GOLGA7B: variants seen among roughly 807,000 people sequenced by gnomAD.
GOLGA7B encodes golgin subfamily A member 7B.
GOLGA7B carries 17 observed loss-of-function variants against 21.5 expected under a neutral mutation model. The observed-to-expected ratio is 0.79, with a 90% CI of 0.54 to 1.19. The LOEUF is 1.19. Ranked by LOEUF, GOLGA7B falls within the 50% of genes most tolerant of loss-of-function variation. The pLI is 0.00. For synonymous variants in GOLGA7B, 87 were observed against 84.0 expected (o/e 1.04, Z -0.19); for missense variants, 169 against 224.4 (o/e 0.75, Z 1.58).
chr10:97,854,183 C>A (rs2049921351), intron 1 of GOLGA7B, among the ~76,000 whole-genome samples: 1 of 152,170 alleles, frequency 6.6e-6, no homozygotes, highest in Non-Finnish European at 1.5e-5. Flanking sequence ...TGCTCAGCCC[C>A]TGTAAACATT....
rs907163031 is a variant in GOLGA7B at position 97,867,356 on chromosome 10, C to T, written c.*1656C>T. The T allele has an allele frequency of 2.0e-5, 3 of 152,232 alleles. No individual in the cohort carries two copies. The highest frequency in any genetic ancestry group is 1.9e-4 in the East Asian group (1 of 5,196). 9.4% of individuals were successfully genotyped at this position (152,232 alleles called of 1,614,324 possible). ...AGATGAAATGAAGGGGGCTGCCTAT[C>T]TCAGTTGGCGGGAGGTGTTAGAAGT... On this transcript the variant is annotated 3_prime_UTR_variant, in exon 5 of 5. Coordinates refer to ENST00000370602, the MANE Select transcript of GOLGA7B (RefSeq NM_001010917.3).
At chr10:97,862,985 G>T (rs2136517837) in intron 2 of GOLGA7B, among the ~76,000 whole-genome samples, 1 of 152,340 alleles carries the variant, frequency 6.6e-6, no homozygotes, top group South Asian at 2.1e-4. Flanking sequence ...GACGGGCCCA[G>T]GGGTAGCAGG....
intron 1 of GOLGA7B, among the ~76,000 whole-genome samples, chr10:97,851,115 G>A (rs774684022): frequency 6.6e-6 from 1 of 152,092 alleles, no homozygotes; most frequent in African/African-American, 2.4e-5. Flanking sequence ...CTTTATACAT[G>A]ATAAAGGTGA....
At chr10:97,855,050 C>T (rs967864327) in intron 1 of GOLGA7B, among the ~76,000 whole-genome samples, 2 of 152,182 alleles carry the variant, frequency 1.3e-5, no homozygotes, top group Non-Finnish European at 1.5e-5. Context: ...AGGGACACAC[C>T]TAACTGCAAG....
At chr10:97,854,179 G>A (rs1262676812) in intron 1 of GOLGA7B, among the ~76,000 whole-genome samples, 1 of 152,168 alleles carries the variant, frequency 6.6e-6, no homozygotes, top group Non-Finnish European at 1.5e-5. Context: ...TTATTGCTCA[G>A]CCCCTGTAAA....
rs950381639 is a variant in GOLGA7B, at chr10:97,870,611, T to G, written c.*4911T>G. The G allele has an allele frequency of 6.6e-6, 1 of 152,106 alleles. No homozygotes were observed. Among genetic ancestry groups the G allele is most frequent in the Non-Finnish European group, 1.5e-5 (1 of 68,018 alleles). The allele number at this position is 152,106 out of a possible 1,614,324, so 9.4% of individuals were successfully genotyped here. On this transcript the variant is annotated 3_prime_UTR_variant, in exon 5 of 5. Coordinates refer to ENST00000370602, the MANE Select transcript of GOLGA7B (RefSeq NM_001010917.3). Reference sequence around the variant, plus strand: ...GTACTGGTGATATATTTCAATAAAATTCACCAGAAAAGCCTGTTGGCTACA... The same window carrying G: ...GTACTGGTGATATATTTCAATAAAAGTCACCAGAAAAGCCTGTTGGCTACA...
At chr10:97,858,351 A>G (rs2049949185) in intron 1 of GOLGA7B, among the ~76,000 whole-genome samples, 1 of 152,204 alleles carries the variant, frequency 6.6e-6, no homozygotes. Flanking sequence ...GAGAGACTCA[A>G]TAAATGAGAG....
chr10:97,851,927 G>A (rs529518873), intron 1 of GOLGA7B, among the ~76,000 whole-genome samples: 34 of 152,314 alleles, frequency 2.2e-4, no homozygotes, highest in African/African-American at 7.7e-4. Context: ...AAAATATTGC[G>A]CTTTCCTGTG....
chr10:97,850,371 C>T, intron 1 of GOLGA7B, 56 bp downstream of exon 1: 1 of 1,476,348 alleles, frequency 6.8e-7, no homozygotes, highest in Non-Finnish European at 9.1e-7. Flanking sequence ...GACCAAATGC[C>T]CTAGGGGTGG....
At chr10:97,861,646 G>A (rs906369899) in intron 2 of GOLGA7B, among the ~76,000 whole-genome samples, 1 of 152,258 alleles carries the variant, frequency 6.6e-6, no homozygotes. Flanking sequence ...GTGGGCCTGG[G>A]ACTGGGGAAG....
chr10:97,857,031 G>A (rs1418915164), intron 1 of GOLGA7B, among the ~76,000 whole-genome samples: 1 of 152,088 alleles, frequency 6.6e-6, no homozygotes, highest in African/African-American at 2.4e-5. Context: ...TAGGTTGTCT[G>A]TATACTTTGT....
intron 1 of GOLGA7B, among the ~76,000 whole-genome samples, chr10:97,855,233 G>A (rs1267804362): frequency 6.6e-6 from 1 of 152,034 alleles, no homozygotes; most frequent in Non-Finnish European, 1.5e-5. Context: ...TAGCAACATC[G>A]TTTTTCACAG....
chr10:97,859,281 A>C (rs554526813), intron 1 of GOLGA7B, among the ~76,000 whole-genome samples, 177 bp from the exon 2 acceptor site: 18 of 152,350 alleles, frequency 1.2e-4, no homozygotes, highest in Middle Eastern at 3.4e-3. Context: ...GGTAGACCCC[A>C]CAGCCCTGCC....
At chr10:97,859,063 A>T (rs973839764) in intron 1 of GOLGA7B, among the ~76,000 whole-genome samples, 6 of 152,288 alleles carry the variant, frequency 3.9e-5, no homozygotes, top group African/African-American at 1.2e-4. Flanking sequence ...CTTGTTAAAA[A>T]TTTTTTTAGA....
Position 97,863,907 on chromosome 10 carries a change from CCTGGCT to C in GOLGA7B, c.139-19_139-14del. The C allele has an allele frequency of 6.3e-7, 1 of 1,598,890 alleles. No homozygotes were observed. Among genetic ancestry groups the C allele is most frequent in the Non-Finnish European group, 8.5e-7 (1 of 1,171,610 alleles). On this transcript the variant is annotated splice_polypyrimidine_tract_variant and intron_variant, in intron 2 of 4. Coordinates refer to ENST00000370602, the MANE Select transcript of GOLGA7B (RefSeq NM_001010917.3). The stretch of plus-strand genomic sequence containing the variant: ...CACACTCCAGGGAGGCTAACCGCAG[CCTGGCT>C]CTGTCCCTTTCTCCAGATCGAGCGG...
chr10:97,850,089 A>C lies in GOLGA7B; in HGVS notation c.-215A>C, dbSNP rs1285059027. The C allele has an allele frequency of 2.2e-5, 4 of 178,042 alleles. 1 individual carries two copies. The East Asian group carries it at 4.9e-4, about 22-fold the overall frequency. 11.0% of individuals were successfully genotyped at this position (178,042 alleles called of 1,614,324 possible). A position where few individuals can be genotyped will look rare whatever the true frequency, so the allele number is the denominator to read the frequency against. On this transcript the variant is annotated 5_prime_UTR_variant, in exon 1 of 5. Transcript: ENST00000370602. ...GCCTCCCGGGCCCGGCGCCTGCCTC[A>C]GCACAGCGGACAGCGCCGCGCCCCT...
chr10:97,862,198 G>A, intron 2 of GOLGA7B, among the ~76,000 whole-genome samples: 1 of 152,138 alleles, frequency 6.6e-6, no homozygotes, highest in Admixed American at 6.5e-5. Context: ...AGTATTTATT[G>A]ATTATGTATT....
chr10:97,852,698 G>A (rs55988729), intron 1 of GOLGA7B, among the ~76,000 whole-genome samples: 12,272 of 151,400 alleles, frequency 0.081, 565 homozygotes, highest in South Asian at 0.15. Flanking sequence ...AGGAGAGAGG[G>A]AGAGGAAGGG....
rs367937797 is a variant in GOLGA7B at position 97,868,211 on chromosome 10, A to G, written c.*2511A>G. On this transcript the variant is annotated 3_prime_UTR_variant, in exon 5 of 5. Coordinates refer to ENST00000370602, the MANE Select transcript of GOLGA7B (RefSeq NM_001010917.3). The stretch of plus-strand genomic sequence containing the variant: ...TTTTATAATTTATTGAGCACCTACT[A>G]TGTGCCAGATACTTTGCTGAAACCA... 1.3e-5 allele frequency: 2 copies of G among 152,246 alleles called. No individual in the cohort carries two copies. The highest frequency in any genetic ancestry group is 4.8e-5 in the African/African-American group (2 of 41,466). The allele number at this position is 152,246 out of a possible 1,614,324, so 9.4% of individuals were successfully genotyped here.
Sources: gnomAD v4.1 joint callset for allele counts (sites outside exome capture counted in the v4.1 genomes callset) on GRCh38, gnomAD v4.1.1 for gene constraint, MANE v1.5 for transcripts, NCBI Gene and HGNC (gene_info 2026-07-23, HGNC 2026-07-21) for gene names.